The following PLCB1 variants were observed in gnomAD, a reference collection of about 807,000 sequenced individuals.
PLCB1 encodes phospholipase C beta 1.
In PLCB1, 46 loss-of-function variants were observed where a neutral mutation model predicts 161.8. The ratio of observed to expected loss-of-function variants is 0.28; its 90% confidence interval spans 0.22 to 0.36. The LOEUF (loss-of-function observed/expected upper bound fraction) is 0.36. PLCB1 is among the 10% of genes least tolerant of loss of function. The pLI, the probability that PLCB1 is intolerant of heterozygous loss-of-function variation, is 1.00. For synonymous variants in PLCB1, 517 were observed against 503.7 expected (o/e 1.03, Z -0.35); for missense variants, 1,016 against 1,472.5 (o/e 0.69, Z 5.07).
chr20:8,523,494 C>CCATATATATATA (rs1555766825), intron 3 of PLCB1, among the ~76,000 whole-genome samples: 1 of 49,584 alleles, frequency 2.0e-5, no homozygotes, highest in African/African-American at 8.0e-5. Flanking sequence ...CTCTCTCTCT[C>CCATATATATATA]TCTATATATA....
chr20:8,173,619 G>A (rs773053272), intron 2 of PLCB1, among the ~76,000 whole-genome samples: 1 of 152,270 alleles, frequency 6.6e-6, no homozygotes, highest in East Asian at 1.9e-4. Context: ...ATCATACTAA[G>A]AGCTGAGAAG....
chr20:8,618,105 C>T (rs1350461445), intron 3 of PLCB1, among the ~76,000 whole-genome samples: 2 of 151,802 alleles, frequency 1.3e-5, no homozygotes, highest in Admixed American at 1.3e-4. Context: ...TCCCAGTTTT[C>T]AAAGGATTTT....
rs189203986 is a variant in PLCB1, at chr20:8,833,773, C to T, written c.3423+43512C>T. Among the ~76,000 whole-genome samples the T allele has an allele frequency of 2.2e-3, 330 of 152,278 alleles. 1 individual carries two copies. The highest frequency in any genetic ancestry group is 7.2e-3 in the African/African-American group (301 of 41,560). On this transcript the variant is annotated intron_variant, in intron 31 of 31. Transcript: ENST00000338037. ...TCAATTTTTGGTAAGTCAATATAGC[C>T]GCTGTAAAAAACTAATACGCTAACA...
rs927894346 is a variant in PLCB1, at chr20:8,556,963, A to G, written c.247-71331A>G. On this transcript the variant is annotated intron_variant, in intron 3 of 31. Coordinates refer to ENST00000338037, the MANE Select transcript of PLCB1 (RefSeq NM_015192.4). ...ACCACTTGACACCATTTGGATAGCT[A>G]TTATTGATAATAAATAAATAAAATA... is the stretch of plus-strand genomic sequence containing the variant. 2.7e-5 allele frequency among the ~76,000 whole-genome samples: 4 copies of G among 148,082 alleles called. No homozygotes were observed. The South Asian group carries it at 6.4e-4, about 24-fold the overall frequency.
intron 31 of PLCB1, among the ~76,000 whole-genome samples, chr20:8,803,609 C>G (rs766342206): frequency 6.6e-6 from 1 of 152,092 alleles, no homozygotes; most frequent in Non-Finnish European, 1.5e-5. Flanking sequence ...AGAGGACCGA[C>G]ATATAATATC....
At chr20:8,552,372 C>T (rs1020207979) in intron 3 of PLCB1, among the ~76,000 whole-genome samples, 73 of 152,144 alleles carry the variant, frequency 4.8e-4, no homozygotes, top group Non-Finnish European at 6.6e-4. Context: ...TGCATGAAAT[C>T]CTTCAGCTCC....
At chr20:8,684,024 C>T (rs745708238) in intron 9 of PLCB1, among the ~76,000 whole-genome samples, 2 of 149,344 alleles carry the variant, frequency 1.3e-5, no homozygotes, top group African/African-American at 2.5e-5. Context: ...GCTGGGACTG[C>T]AGGCACCCGC....
At chr20:8,551,225 T>A (rs1568504618) in intron 3 of PLCB1, among the ~76,000 whole-genome samples, 1 of 152,112 alleles carries the variant, frequency 6.6e-6, no homozygotes, top group Non-Finnish European at 1.5e-5. Flanking sequence ...AAAAAAAACA[T>A]GATCTCTGCC....
chr20:8,303,049 A>G (rs1983979469), intron 2 of PLCB1, among the ~76,000 whole-genome samples: 1 of 152,228 alleles, frequency 6.6e-6, no homozygotes, highest in South Asian at 2.1e-4. Context: ...GAGATTGGAA[A>G]TATCTATACA....
intron 3 of PLCB1, among the ~76,000 whole-genome samples, chr20:8,505,229 T>C (rs1983589884): frequency 6.6e-6 from 1 of 152,148 alleles, no homozygotes. Context: ...TGGCAATTCT[T>C]TTTACCCCAC....
chr20:8,279,573 G>A (rs964508425), intron 2 of PLCB1, among the ~76,000 whole-genome samples: 1 of 152,180 alleles, frequency 6.6e-6, no homozygotes, highest in African/African-American at 2.4e-5. Flanking sequence ...CCACTGAACT[G>A]TATGCTTAAA....
intron 3 of PLCB1, among the ~76,000 whole-genome samples, chr20:8,459,764 A>C (rs1156361987): frequency 6.6e-6 from 1 of 152,208 alleles, no homozygotes; most frequent in Non-Finnish European, 1.5e-5. Context: ...TATTGTATCC[A>C]AGGTTATTTT....
intron 2 of PLCB1, among the ~76,000 whole-genome samples, chr20:8,312,598 G>A (rs922668393): frequency 1.3e-5 from 2 of 152,116 alleles, no homozygotes; most frequent in African/African-American, 2.4e-5. Flanking sequence ...CTTACATGAG[G>A]CAGAACCAAG....
In PLCB1 at chr20:8,132,584, G is replaced by A. The variant is rs1338840428; in HGVS notation, c.-68G>A. The A allele has an allele frequency of 2.9e-6, 3 of 1,039,222 alleles. No homozygotes were observed. Among genetic ancestry groups the A allele is most frequent in the East Asian group, 3.2e-5 (1 of 30,966 alleles). The allele number at this position is 1,039,222 out of a possible 1,614,324, so 64.4% of individuals were successfully genotyped here. ...GAAAGGAGCCCGCGCCCCGCGCCCC[G>A]CGCCCCGCGCACGGTCCCCAGTCCC... On this transcript the variant is annotated 5_prime_UTR_variant, in exon 1 of 32. Transcript: ENST00000338037. The surrounding 1 kb of genome is among the most constrained non-coding windows in gnomAD (Gnocchi z 5.2).
intron 31 of PLCB1, among the ~76,000 whole-genome samples, chr20:8,798,345 C>T (rs1984126963): frequency 6.6e-6 from 1 of 152,138 alleles, no homozygotes; most frequent in Non-Finnish European, 1.5e-5. Context: ...ACATCTGTAT[C>T]AGTCAGGGTT....
chr20:8,185,456 G>A (rs2051892872), intron 2 of PLCB1, among the ~76,000 whole-genome samples: 1 of 152,024 alleles, frequency 6.6e-6, no homozygotes, highest in East Asian at 1.9e-4. Flanking sequence ...GGAAAAAGAA[G>A]AGATCTCTGT....
chr20:8,631,780 T>C (rs925423040), intron 4 of PLCB1, among the ~76,000 whole-genome samples: 2 of 152,082 alleles, frequency 1.3e-5, no homozygotes, highest in Admixed American at 1.3e-4. Context: ...GCATCTCTCA[T>C]CCCCTATAAA....
intron 31 of PLCB1, among the ~76,000 whole-genome samples, chr20:8,823,356 C>T (rs1283114052): frequency 6.6e-6 from 1 of 152,162 alleles, no homozygotes; most frequent in Non-Finnish European, 1.5e-5. Context: ...CTCCTGACCT[C>T]AGGTGATCTG....
intron 11 of PLCB1, among the ~76,000 whole-genome samples, chr20:8,701,177 T>G (rs935984819): frequency 2.6e-5 from 4 of 152,140 alleles, no homozygotes; most frequent in Non-Finnish European, 5.9e-5. Context: ...TAAAGTGACT[T>G]TGTAATAAGA....
Sources: gnomAD v4.1 joint callset for allele counts (sites outside exome capture counted in the v4.1 genomes callset) on GRCh38, gnomAD v4.1.1 for gene constraint, Gnocchi (gnomAD v3.1) non-coding constraint, MANE v1.5 for transcripts, NCBI Gene and HGNC (gene_info 2026-07-23, HGNC 2026-07-21) for gene names.